Variants in MAPK8IP3 observed in about 807,000 individuals in gnomAD.
The protein encoded by MAPK8IP3 is mitogen-activated protein kinase 8 interacting protein 3, also known as C-Jun-amino-terminal kinase-interacting protein 3.
In MAPK8IP3, 49 loss-of-function variants were observed where a neutral mutation model predicts 157.8. That is an observed-to-expected ratio of 0.31 (90% confidence interval 0.25 to 0.39). The LOEUF is 0.39. Among genes scored for constraint, MAPK8IP3 ranks in the 10% least tolerant of loss-of-function variants. The probability of loss-of-function intolerance (pLI) is 1.00; values close to 1 mark genes in which losing one functional copy is unlikely to be tolerated. For synonymous variants in MAPK8IP3, 897 were observed against 777.7 expected (o/e 1.15, Z -2.55); for missense variants, 1,478 against 1,889.4 (o/e 0.78, Z 4.04).
rs2575329 is a variant in MAPK8IP3, at chr16:1,769,432, G to A, written c.*608G>A. The A allele has an allele frequency of 0.49, 74,841 of 153,250 alleles. 19,370 individuals are homozygous for A. The highest frequency in any genetic ancestry group is 0.7 in the Middle Eastern group (210 of 300). 9.5% of individuals were successfully genotyped at this position (153,250 alleles called of 1,614,324 possible). On this transcript the variant is annotated 3_prime_UTR_variant, in exon 32 of 32. Coordinates refer to ENST00000610761, the MANE Select transcript of MAPK8IP3 (RefSeq NM_001318852.2). ...ACCCCAGCTGTCCCCTGCCCAGGGA[G>A]CTGGCATAAAAGCACGAGGCCCGGC...
Position 1,743,179 on chromosome 16 carries a change from C to T in MAPK8IP3, c.603-153C>T, listed in dbSNP as rs542344504. Among the ~76,000 whole-genome samples the T allele has an allele frequency of 4.4e-4, 67 of 152,316 alleles. No individual in the cohort carries two copies. Among genetic ancestry groups the T allele is most frequent in the African/African-American group, 1.3e-3 (56 of 41,566 alleles). The stretch of plus-strand genomic sequence containing the variant: ...CAGCATCATGGGAGGGGAAGCGCCA[C>T]GTAGGATCATAACTGAGTAGCTGCT... On this transcript the variant is annotated intron_variant, in intron 4 of 31. Coordinates refer to ENST00000610761, the MANE Select transcript of MAPK8IP3 (RefSeq NM_001318852.2). The surrounding 1 kb of genome is among the most constrained non-coding windows in gnomAD (Gnocchi z 5.6).
chr16:1,758,476 C>G (rs753990548), intron 9 of MAPK8IP3, among the ~76,000 whole-genome samples: 1 of 152,232 alleles, frequency 6.6e-6, no homozygotes, highest in East Asian at 1.9e-4. Context: ...GGGGCCTCCC[C>G]TGCTGTCAGG....
rs1292591676 is a variant in MAPK8IP3 at position 1,743,489 on chromosome 16, T to G, written c.747+13T>G. On this transcript the variant is annotated intron_variant, in intron 5 of 31. Coordinates refer to ENST00000610761, the MANE Select transcript of MAPK8IP3 (RefSeq NM_001318852.2). This position sits in a 1 kb window ranked among gnomAD's most constrained non-coding sequence, Gnocchi z 5.6. ...CTCCAGCTACCAGGTTTTGTAGCCGTGCCGTGGAGTGAGAGGCTCCTCCCT... is the reference window on the plus strand; with the variant it reads ...CTCCAGCTACCAGGTTTTGTAGCCGGGCCGTGGAGTGAGAGGCTCCTCCCT... 3.7e-6 allele frequency: 6 copies of G among 1,606,888 alleles called. No homozygotes were observed. The highest frequency in any genetic ancestry group is 5.1e-6 in the Non-Finnish European group (6 of 1,178,466).
chr16:1,721,033 C>CA (rs748395787), intron 1 of MAPK8IP3, among the ~76,000 whole-genome samples: 661 of 93,026 alleles, frequency 7.1e-3, no homozygotes, highest in Middle Eastern at 0.014. Flanking sequence ...AACTTTGTCT[C>CA]AAAAAAAAAA....
At chr16:1,750,668 G>A (rs993834830) in intron 8 of MAPK8IP3, among the ~76,000 whole-genome samples, 4 of 148,312 alleles carry the variant, frequency 2.7e-5, no homozygotes, top group East Asian at 2.0e-4. Context: ...TTTTTGAGAC[G>A]GAGTCCCACT....
chr16:1,727,520 CTGTGTCT>C (rs2038968999), intron 2 of MAPK8IP3, among the ~76,000 whole-genome samples: 1 of 151,746 alleles, frequency 6.6e-6, no homozygotes, highest in Non-Finnish European at 1.5e-5. Flanking sequence ...ATGTTTGGTG[CTGTGTCT>C]AAGTCGTGCG....
Position 1,710,485 on chromosome 16 carries a change from A to G in MAPK8IP3, c.318+3828A>G, listed in dbSNP as rs117689831. 0.017 allele frequency among the ~76,000 whole-genome samples: 2,638 copies of G among 152,214 alleles called. 49 individuals carry two copies. Among genetic ancestry groups the G allele is most frequent in the Non-Finnish European group, 0.024 (1,611 of 68,022 alleles). On this transcript the variant is annotated intron_variant, in intron 1 of 31. Transcript: ENST00000610761. The surrounding 1 kb of genome is among the most constrained non-coding windows in gnomAD (Gnocchi z 4.1). ...TGAGACTCTGTCTCAAAATAAATAA[A>G]TAGATAAAAATAAATAAATAAATGT...
intron 1 of MAPK8IP3, among the ~76,000 whole-genome samples, chr16:1,721,033 C>CAA (rs748395787): frequency 1.2e-3 from 114 of 93,306 alleles, no homozygotes; most frequent in African/African-American, 4.4e-3. Context: ...AACTTTGTCT[C>CAA]AAAAAAAAAA....
chr16:1,741,506 C>T lies in MAPK8IP3; in HGVS notation c.603-1826C>T, dbSNP rs966682316. Among the ~76,000 whole-genome samples the T allele has an allele frequency of 1.3e-5, 2 of 152,150 alleles. No homozygotes were observed. Among genetic ancestry groups the T allele is most frequent in the Non-Finnish European group, 2.9e-5 (2 of 68,022 alleles). On this transcript the variant is annotated intron_variant, in intron 4 of 31. Coordinates refer to ENST00000610761, the MANE Select transcript of MAPK8IP3 (RefSeq NM_001318852.2). This position sits in a 1 kb window ranked among gnomAD's most constrained non-coding sequence, Gnocchi z 6.9. ...CCTCTGACCCTGCTGTCCCCTGTAGCATCTGGTGACAGCCAGGACCGCATC... is the reference window on the plus strand; with the variant it reads ...CCTCTGACCCTGCTGTCCCCTGTAGTATCTGGTGACAGCCAGGACCGCATC...
chr16:1,724,534 C>G lies in MAPK8IP3; in HGVS notation c.319-23C>G, dbSNP rs758698844. ...TCCACACTCACTCCTGATGACTGCT[C>G]TTTCCCTCCCTTCCATGCACAGAAA... On this transcript the variant is annotated intron_variant, in intron 1 of 31. Coordinates refer to ENST00000610761, the MANE Select transcript of MAPK8IP3 (RefSeq NM_001318852.2). This position sits in a 1 kb window ranked among gnomAD's most constrained non-coding sequence, Gnocchi z 4.1. 4 of 1,611,592 alleles carry G rather than the reference C, an allele frequency of 2.5e-6. No homozygotes were observed. The South Asian group carries it at 3.3e-5, about 13-fold the overall frequency.
chr16:1,711,163 T>C (rs1011079501), intron 1 of MAPK8IP3, among the ~76,000 whole-genome samples: 3 of 152,250 alleles, frequency 2.0e-5, no homozygotes, highest in Non-Finnish European at 4.4e-5. Flanking sequence ...TTTTGAAATA[T>C]GTACAGAAAG....
chr16:1,743,458 G>C lies in MAPK8IP3; in HGVS notation c.729G>C (p.Gln243His), dbSNP rs766621925. 6.2e-7 allele frequency: 1 copy of C among 1,610,098 alleles called. No homozygotes were observed. The highest frequency in any genetic ancestry group is 8.5e-7 in the Non-Finnish European group (1 of 1,178,938). ...ACCTGAGTGACCTCGGCCAGCTGCA[G>C]TCCAGCTCCAGCTACCAGGTTTTGT... The part of the protein sequence containing the change: ...HWHLSDLGQL[Q>H]SSSSYQCPQD... The change falls in exon 5 of 32, where the codon CAG (glutamine) becomes CAC (histidine). Residue 243 changes from glutamine (Q) to histidine (H), a missense_variant. Physicochemically the swap from Gln to His is conservative, Grantham distance 24. Transcript: ENST00000610761. This position sits in a 1 kb window ranked among gnomAD's most constrained non-coding sequence, Gnocchi z 5.6.
chr16:1,759,396 G>A (rs1361162285), intron 10 of MAPK8IP3, among the ~76,000 whole-genome samples: 2 of 152,224 alleles, frequency 1.3e-5, no homozygotes, highest in African/African-American at 4.8e-5. Flanking sequence ...GGGAGGGCAG[G>A]ACCTTGGAGT....
At chr16:1,768,404 C>T (rs2042404826) in intron 30 of MAPK8IP3, 26 bp downstream of exon 30, 1 of 1,598,316 alleles carries the variant, frequency 6.3e-7, no homozygotes, top group Non-Finnish European at 8.5e-7. Context: ...TCCTGCCATC[C>T]ACATCCCCTG....
chr16:1,757,845 G>A (rs555997284), intron 8 of MAPK8IP3, among the ~76,000 whole-genome samples: 8 of 152,294 alleles, frequency 5.3e-5, no homozygotes, highest in East Asian at 1.9e-4. Context: ...TGGGGGCTGC[G>A]GGGGGCCTGC....
intron 1 of MAPK8IP3, among the ~76,000 whole-genome samples, chr16:1,717,712 T>A (rs1231510766): frequency 2.6e-5 from 4 of 152,250 alleles, no homozygotes; most frequent in Non-Finnish European, 5.9e-5. Context: ...TTTTTTATAA[T>A]CTAGTACTAT....
chr16:1,732,824 C>T (rs548141109), intron 4 of MAPK8IP3, among the ~76,000 whole-genome samples: 46 of 152,102 alleles, frequency 3.0e-4, no homozygotes, highest in Admixed American at 7.8e-4. Context: ...TACGCCAGGG[C>T]GTGTGGATGC....
intron 8 of MAPK8IP3, among the ~76,000 whole-genome samples, chr16:1,749,808 G>T (rs922955114): frequency 6.6e-6 from 1 of 152,220 alleles, no homozygotes; most frequent in Non-Finnish European, 1.5e-5. Flanking sequence ...GGGGCAGGGG[G>T]ACCTCCAGGG....
intron 13 of MAPK8IP3, among the ~76,000 whole-genome samples, chr16:1,761,983 G>T (rs1250511815): frequency 1.3e-5 from 2 of 152,340 alleles, no homozygotes; most frequent in Admixed American, 1.3e-4. Context: ...AGGGGGCCCA[G>T]GCGGGCTCCT....
Sources: allele counts gnomAD v4.1 joint callset (sites outside exome capture counted in the v4.1 genomes callset), GRCh38; gene constraint gnomAD v4.1.1; non-coding constraint Gnocchi (gnomAD v3.1); transcripts MANE v1.5; gene names NCBI Gene and HGNC (gene_info 2026-07-23, HGNC 2026-07-21).